Variants in PARD3 observed in about 807,000 individuals in gnomAD.
PARD3 encodes the protein partitioning defective 3 homolog.
Under a neutral mutation model 155.4 loss-of-function variants are expected in PARD3, and 75 were observed. That is an observed-to-expected ratio of 0.48 (90% CI 0.40 to 0.58). The LOEUF is 0.58. Among genes scored for constraint, PARD3 ranks in the 20% least tolerant of loss-of-function variants. The pLI is 0.00. For synonymous variants in PARD3, 576 were observed against 610.5 expected (o/e 0.94, Z 0.83); for missense variants, 1,642 against 1,721.7 (o/e 0.95, Z 0.82).
chr10:34,530,909 C>T (rs1051108899), intron 2 of PARD3, among the ~76,000 whole-genome samples: 1 of 152,122 alleles, frequency 6.6e-6, no homozygotes, highest in Non-Finnish European at 1.5e-5. Context: ...TAGCCAGGGG[C>T]GTTGGTCAAT....
At chr10:34,606,913 G>A (rs1172030438) in intron 2 of PARD3, among the ~76,000 whole-genome samples, 2 of 144,082 alleles carry the variant, frequency 1.4e-5, no homozygotes, top group Non-Finnish European at 3.0e-5. Context: ...GCTGTAGTGA[G>A]CCGAGATCAC....
chr10:34,456,349 T>A (rs1469014060), intron 4 of PARD3, among the ~76,000 whole-genome samples: 1 of 152,148 alleles, frequency 6.6e-6, no homozygotes, highest in Non-Finnish European at 1.5e-5. Context: ...CAGGCTGGAG[T>A]GCAGTGGCTC....
At chr10:34,703,482 G>T (rs2133559799) in intron 1 of PARD3, among the ~76,000 whole-genome samples, 1 of 150,970 alleles carries the variant, frequency 6.6e-6, no homozygotes, top group Middle Eastern at 3.4e-3. Flanking sequence ...AGACAAAGAA[G>T]ATAAAAAAGG....
chr10:34,709,857 CTCAGCTACTA>C (rs1354978783), intron 1 of PARD3, among the ~76,000 whole-genome samples: 2 of 152,154 alleles, frequency 1.3e-5, no homozygotes, highest in African/African-American at 4.8e-5. Flanking sequence ...GTATGATTCT[CTCAGCTACTA>C]TTTGAGTTTT....
At chr10:34,752,220 C>G (rs1564580557) in intron 1 of PARD3, among the ~76,000 whole-genome samples, 1 of 150,910 alleles carries the variant, frequency 6.6e-6, no homozygotes, top group Non-Finnish European at 1.5e-5. Flanking sequence ...TACCAGGGAA[C>G]AACTCATCTT....
intron 2 of PARD3, among the ~76,000 whole-genome samples, chr10:34,628,974 C>A (rs2092126070): frequency 6.6e-6 from 1 of 152,168 alleles, no homozygotes; most frequent in Non-Finnish European, 1.5e-5. Flanking sequence ...GCCAAATGGC[C>A]TATAAATGGG....
At chr10:34,184,178 G>A (rs902952835) in intron 22 of PARD3, among the ~76,000 whole-genome samples, 2 of 152,128 alleles carry the variant, frequency 1.3e-5, no homozygotes, top group African/African-American at 4.8e-5. Flanking sequence ...TGAGGTTTCC[G>A]ACCAAGTATA....
chr10:34,186,750 C>A (rs920015439), intron 22 of PARD3, among the ~76,000 whole-genome samples: 2 of 152,076 alleles, frequency 1.3e-5, no homozygotes, highest in African/African-American at 2.4e-5. Context: ...AGGACTCAGC[C>A]GTCTGTCTCT....
At position 34,263,310 on chromosome 10, in the gene PARD3, C is replaced by T. The variant is rs545625654; in HGVS notation, c.3419+6347G>A. Among the ~76,000 whole-genome samples, 6 of 152,172 alleles carry T rather than the reference C, an allele frequency of 3.9e-5. No individual in the cohort carries two copies. In the South Asian group the frequency reaches 6.2e-4, roughly 16 times the overall value. ...TAATGAGGCAAGTACCATTATTATC[C>T]CCATATTATAGATGAGGAAAGTGAA... On this transcript the variant is annotated intron_variant, in intron 22 of 24. Transcript: ENST00000374788.
In PARD3 at chr10:34,641,425, C is replaced by T. The variant is rs117267981; in HGVS notation, c.222+54893G>A. The stretch of plus-strand genomic sequence containing the variant: ...AAAGGCACAGTCCTACCTGGGCTAA[C>T]GTCTGCAATGGCGGAACCTGAAAGT... On this transcript the variant is annotated intron_variant, in intron 2 of 24. Transcript: ENST00000374788. 8.7e-3 allele frequency among the ~76,000 whole-genome samples: 1,325 copies of T among 152,348 alleles called. 10 individuals carry two copies. Among genetic ancestry groups the T allele is most frequent in the Non-Finnish European group, 0.013 (887 of 68,042 alleles).
At chr10:34,605,709 A>ATATATATATATCTCC (rs1446795350) in intron 2 of PARD3, among the ~76,000 whole-genome samples, 2 of 67,984 alleles carry the variant, frequency 2.9e-5, no homozygotes, top group East Asian at 4.0e-4. Context: ...TATATCTCCT[A>ATATATATATATCTCC]TATATATATA....
At chr10:34,285,297 C>A (rs554375066) in intron 20 of PARD3, among the ~76,000 whole-genome samples, 1 of 152,170 alleles carries the variant, frequency 6.6e-6, no homozygotes, top group Non-Finnish European at 1.5e-5. Context: ...CAGTGGTTCA[C>A]GCCTGTAATT....
intron 1 of PARD3, among the ~76,000 whole-genome samples, chr10:34,745,423 GGAGGGAGGGAAA>G (rs920687069): frequency 2.4e-5 from 2 of 83,390 alleles, no homozygotes; most frequent in African/African-American, 8.0e-5. Flanking sequence ...AGGGAGGAAG[GGAGGGAGGGAAA>G]GAGAGAGGGA....
chr10:34,559,728 C>T lies in PARD3; in HGVS notation c.223-42569G>A, dbSNP rs549122745. ...GAGTTACTCACCCAACAAAGAGACACGCAATAAGTGATGAAAAGGATGACT... is the reference window on the plus strand; with the variant it reads ...GAGTTACTCACCCAACAAAGAGACATGCAATAAGTGATGAAAAGGATGACT... On this transcript the variant is annotated intron_variant, in intron 2 of 24. Transcript: ENST00000374788. 1.7e-4 allele frequency among the ~76,000 whole-genome samples: 26 copies of T among 152,248 alleles called. No individual in the cohort carries two copies. The South Asian group carries it at 4.8e-3, about 28-fold the overall frequency.
At chr10:34,742,242 G>A (rs2133890000) in intron 1 of PARD3, among the ~76,000 whole-genome samples, 1 of 152,334 alleles carries the variant, frequency 6.6e-6, no homozygotes, top group Middle Eastern at 3.4e-3. Context: ...TACAAGGACA[G>A]GAACTGGGAT....
At chr10:34,464,762 T>G (rs1195811469) in intron 4 of PARD3, among the ~76,000 whole-genome samples, 1 of 152,186 alleles carries the variant, frequency 6.6e-6, no homozygotes, top group Non-Finnish European at 1.5e-5. Context: ...TTGGAAACAT[T>G]GCAGGAAATT....
chr10:34,509,840 T>C (rs1217001985), intron 3 of PARD3, among the ~76,000 whole-genome samples: 1 of 152,108 alleles, frequency 6.6e-6, no homozygotes. Context: ...TTACAATTGA[T>C]GTACAACTGT....
chr10:34,727,123 G>T (rs1380324704), intron 1 of PARD3, among the ~76,000 whole-genome samples: 1 of 152,148 alleles, frequency 6.6e-6, no homozygotes, highest in East Asian at 1.9e-4. Context: ...TGTGTGGTGG[G>T]GGATTCCATC....
chr10:34,632,239 A>G (rs1382934821), intron 2 of PARD3, among the ~76,000 whole-genome samples: 1 of 152,224 alleles, frequency 6.6e-6, no homozygotes, highest in African/African-American at 2.4e-5. Context: ...AGCCTGGGCT[A>G]CAAAGCAAGA....
Sources: allele counts gnomAD v4.1 joint callset (sites outside exome capture counted in the v4.1 genomes callset), GRCh38; gene constraint gnomAD v4.1.1; transcripts MANE v1.5; gene names NCBI Gene and HGNC (gene_info 2026-07-23, HGNC 2026-07-21).